ZSCAN25: variants seen among roughly 807,000 people sequenced by gnomAD.
The protein encoded by ZSCAN25 is zinc finger and SCAN domain-containing protein 25.
ZSCAN25 carries 27 observed loss-of-function variants against 38.7 expected under a neutral mutation model. The ratio of observed to expected loss-of-function variants is 0.70; its 90% CI spans 0.51 to 0.96. The LOEUF (loss-of-function observed/expected upper bound fraction) is 0.96, where lower values mean the gene tolerates loss of function less well. Among genes scored for constraint, ZSCAN25 ranks in the 40% least tolerant of loss-of-function variants. The pLI is 0.00. For synonymous variants in ZSCAN25, 273 were observed against 277.7 expected (o/e 0.98, Z 0.17); for missense variants, 637 against 705.9 (o/e 0.90, Z 1.11).
At chr7:99,673,841 G>A in the ZSCAN25 span, among the ~76,000 whole-genome samples, 1 of 152,196 alleles carries the variant, frequency 6.6e-6, no homozygotes, top group Admixed American at 6.5e-5. Flanking sequence ...GACAGAAGGC[G>A]ATGCTGGGAG....
the ZSCAN25 span, among the ~76,000 whole-genome samples, chr7:99,720,141 T>A: frequency 0.017 from 2,562 of 152,314 alleles, 65 homozygotes; most frequent in African/African-American, 0.057. Flanking sequence ...GAATATACTG[T>A]ATTTATAGTT....
the ZSCAN25 span, among the ~76,000 whole-genome samples, chr7:99,734,796 A>G: frequency 2.6e-5 from 4 of 151,780 alleles, no homozygotes; most frequent in Admixed American, 6.6e-5. Context: ...TAATTTTTGT[A>G]ATTTTAGTAG....
chr7:99,655,989 T>C, the ZSCAN25 span, among the ~76,000 whole-genome samples: 1 of 152,232 alleles, frequency 6.6e-6, no homozygotes, highest in South Asian at 2.1e-4. Flanking sequence ...GCTGAGACGA[T>C]GGGGTTTTCT....
the ZSCAN25 span, among the ~76,000 whole-genome samples, chr7:99,673,097 A>G: frequency 3.3e-5 from 5 of 152,224 alleles, no homozygotes; most frequent in African/African-American, 1.2e-4. Flanking sequence ...CAGGTAAATC[A>G]TCAAGTGCTC....
At chr7:99,678,257 C>T in the ZSCAN25 span, among the ~76,000 whole-genome samples, 1 of 152,212 alleles carries the variant, frequency 6.6e-6, no homozygotes, top group Non-Finnish European at 1.5e-5. Flanking sequence ...AGATGCCAAC[C>T]TGTTTGCCCT....
chr7:99,688,389 A>C, the ZSCAN25 span, among the ~76,000 whole-genome samples: 1 of 152,248 alleles, frequency 6.6e-6, no homozygotes, highest in Non-Finnish European at 1.5e-5. Context: ...CTGATAAAAC[A>C]GACTTTAAAC....
chr7:99,683,558 T>G, the ZSCAN25 span, among the ~76,000 whole-genome samples: 5 of 152,206 alleles, frequency 3.3e-5, no homozygotes, highest in Non-Finnish European at 7.3e-5. Context: ...GCTTCCAGTA[T>G]ACTTTATTTA....
At position 99,631,503 on chromosome 7, in the gene ZSCAN25, C is replaced by G; in HGVS notation, c.*1483C>G. On this transcript the variant is annotated 3_prime_UTR_variant, in exon 8 of 8. Coordinates refer to ENST00000394152, the MANE Select transcript of ZSCAN25 (RefSeq NM_145115.3). ...GTGGACTGACTGCTGTGTCATTGTG[C>G]TGTGCCTTTGAACCCTGGCTGAGTG... 1.0e-6 allele frequency: 1 copy of G among 985,514 alleles called. No homozygotes were observed. Among genetic ancestry groups the G allele is most frequent in the Non-Finnish European group, 1.2e-6 (1 of 829,948 alleles). 61.0% of individuals were successfully genotyped at this position (985,514 alleles called of 1,614,324 possible).
the ZSCAN25 span, chr7:99,720,186 G>C: frequency 8.7e-7 from 1 of 1,146,776 alleles, no homozygotes; most frequent in Non-Finnish European, 1.3e-6. Context: ...TGGGGGATGG[G>C]CAGGATGAAG....
rs376411021 is a variant in ZSCAN25, at chr7:99,621,423, C to T, written c.438C>T (p.Gly146=). The T allele has an allele frequency of 6.5e-6, 10 of 1,528,518 alleles. No homozygotes were observed. Among genetic ancestry groups the T allele is most frequent in the Admixed American group, 1.9e-5 (1 of 52,156 alleles). 94.7% of individuals were successfully genotyped at this position (1,528,518 alleles called of 1,614,324 possible). A position where few individuals can be genotyped will look rare whatever the true frequency, so the allele number is the denominator to read the frequency against. The change falls in exon 5 of 8, where the codon GGC becomes GGT. Residue 146 remains glycine (G), a synonymous_variant. Coordinates refer to ENST00000394152, the MANE Select transcript of ZSCAN25 (RefSeq NM_145115.3). The part of the protein sequence containing the change: ...GEQEETALCR[G]AWEPGIQLGP... ...AGGAGGAAACAGCACTTTGCAGAGGCGCTTGGGAGCCAGGCATCCAGCTGG... is the reference window on the plus strand; with the variant it reads ...AGGAGGAAACAGCACTTTGCAGAGGTGCTTGGGAGCCAGGCATCCAGCTGG...
chr7:99,652,065 A>T, the ZSCAN25 span, among the ~76,000 whole-genome samples: 1 of 152,138 alleles, frequency 6.6e-6, no homozygotes, highest in East Asian at 1.9e-4. Context: ...AAATTCAGAG[A>T]GCTAAAGGGC....
chr7:99,707,627 A>G, the ZSCAN25 span, among the ~76,000 whole-genome samples: 12 of 152,200 alleles, frequency 7.9e-5, no homozygotes, highest in African/African-American at 2.9e-4. Flanking sequence ...GATGTTTTTA[A>G]TGCTACAGCT....
downstream of ZSCAN25, among the ~76,000 whole-genome samples, chr7:99,633,049 A>G (rs534984499): frequency 1.8e-3 from 269 of 147,012 alleles, no homozygotes; most frequent in Admixed American, 3.0e-3. Flanking sequence ...GCAGTGGCAC[A>G]GTCTCAGCTC....
At chr7:99,734,938 A>G in the ZSCAN25 span, 3 of 1,596,794 alleles carry the variant, frequency 1.9e-6, no homozygotes, top group Non-Finnish European at 2.6e-6. Flanking sequence ...CCTTTTTGCT[A>G]TTCAAAACAG....
In ZSCAN25 at chr7:99,629,205, GA is replaced by G; in HGVS notation, c.824del (p.Lys275ArgfsTer10). ...CTGTCCTGTAGGCGGTGGGAGCAAG[GA>G]AAAGGAGGCAAAACCCCCACAGGAA... ...CRVSPGGGSK[E>X]KEAKPPQEDL... is the part of the protein sequence containing the mutation. On this transcript the variant is annotated frameshift_variant, in exon 8 of 8. Coordinates refer to ENST00000394152, the MANE Select transcript of ZSCAN25 (RefSeq NM_145115.3). LOFTEE classifies it low-confidence loss of function (END_TRUNC). The surrounding 1 kb of genome is among the most constrained non-coding windows in gnomAD (Gnocchi z 5.6). 6.2e-7 allele frequency: 1 copy of G among 1,610,640 alleles called. No homozygotes were observed. Among genetic ancestry groups the G allele is most frequent in the Non-Finnish European group, 8.5e-7 (1 of 1,178,466 alleles).
chr7:99,651,592 C>G, the ZSCAN25 span, among the ~76,000 whole-genome samples: 1 of 152,170 alleles, frequency 6.6e-6, no homozygotes, highest in Non-Finnish European at 1.5e-5. Context: ...CTAGGGACAC[C>G]ATGACCAACA....
At chr7:99,665,845 CTAT>C in the ZSCAN25 span, among the ~76,000 whole-genome samples, 1 of 152,228 alleles carries the variant, frequency 6.6e-6, no homozygotes, top group Non-Finnish European at 1.5e-5. Context: ...GAAAACCCCA[CTAT>C]CCCCAGCTCC....
At chr7:99,714,348 A>G in the ZSCAN25 span, among the ~76,000 whole-genome samples, 1 of 152,172 alleles carries the variant, frequency 6.6e-6, no homozygotes, top group Non-Finnish European at 1.5e-5. Flanking sequence ...TCAAATTTTA[A>G]GTGCTCTCTC....
At chr7:99,649,014 A>C in the ZSCAN25 span, among the ~76,000 whole-genome samples, 4 of 152,180 alleles carry the variant, frequency 2.6e-5, no homozygotes, top group South Asian at 2.1e-4. Flanking sequence ...TACTTCTAGC[A>C]CTATTGTCAC....
Sources: allele counts gnomAD v4.1 joint callset (sites outside exome capture counted in the v4.1 genomes callset), GRCh38; gene constraint gnomAD v4.1.1; non-coding constraint Gnocchi (gnomAD v3.1); transcripts MANE v1.5; gene names NCBI Gene and HGNC (gene_info 2026-07-23, HGNC 2026-07-21).